Variants in GPC5 observed in about 807,000 individuals in gnomAD.
GPC5 encodes glypican-5.
In GPC5, 47 loss-of-function variants were observed where a neutral mutation model predicts 53.9. The ratio of observed to expected loss-of-function variants is 0.87; its 90% confidence interval spans 0.69 to 1.11. GPC5 has a LOEUF of 1.11. Ranked by LOEUF, GPC5 falls within the 50% of genes most tolerant of loss-of-function variation. The pLI, the probability that GPC5 is intolerant of heterozygous loss-of-function variation, is 0.00. For synonymous variants in GPC5, 286 were observed against 263.3 expected (o/e 1.09, Z -0.84); for missense variants, 748 against 713.1 (o/e 1.05, Z -0.56).
chr13:92,103,875 T>C (rs1289783022), intron 6 of GPC5, among the ~76,000 whole-genome samples: 1 of 152,266 alleles, frequency 6.6e-6, no homozygotes, highest in East Asian at 1.9e-4. Context: ...TGCTGGTGCA[T>C]GAGTTGCGAT....
chr13:92,206,820 C>A (rs907720768), intron 7 of GPC5, among the ~76,000 whole-genome samples: 6 of 152,040 alleles, frequency 3.9e-5, no homozygotes, highest in Non-Finnish European at 7.4e-5. Flanking sequence ...TAGTTCAATC[C>A]ATCATCACAT....
At chr13:92,846,809 GA>G (rs951787507) in intron 7 of GPC5, among the ~76,000 whole-genome samples, 6 of 152,080 alleles carry the variant, frequency 3.9e-5, no homozygotes, top group Admixed American at 3.9e-4. Context: ...GGAGATTTTT[GA>G]AAAACAGAAC....
intron 7 of GPC5, among the ~76,000 whole-genome samples, chr13:92,201,190 C>G (rs749277647): frequency 2.0e-5 from 3 of 152,086 alleles, no homozygotes; most frequent in African/African-American, 7.2e-5. Flanking sequence ...ATTATTTATG[C>G]CTTTCACTCT....
intron 2 of GPC5, among the ~76,000 whole-genome samples, chr13:91,500,443 G>A (rs1884558699): frequency 6.6e-6 from 1 of 152,144 alleles, no homozygotes; most frequent in African/African-American, 2.4e-5. Context: ...CAGAAGATGG[G>A]TATTAGGGAG....
chr13:92,371,602 G>C (rs1441996899), intron 7 of GPC5, among the ~76,000 whole-genome samples: 1 of 152,120 alleles, frequency 6.6e-6, no homozygotes, highest in Admixed American at 6.6e-5. Flanking sequence ...TTATGATCAT[G>C]GTGGAAGGTG....
intron 7 of GPC5, among the ~76,000 whole-genome samples, chr13:92,710,899 G>C (rs1257537317): frequency 6.6e-6 from 1 of 152,102 alleles, no homozygotes; most frequent in East Asian, 1.9e-4. Context: ...GAAAATATAA[G>C]ACTGAATAAT....
At chr13:92,606,446 C>A (rs1884264014) in intron 7 of GPC5, among the ~76,000 whole-genome samples, 1 of 152,166 alleles carries the variant, frequency 6.6e-6, no homozygotes, top group South Asian at 2.1e-4. Context: ...CATAGTGTTC[C>A]ATGGTGTATA....
At chr13:92,214,038 C>T (rs1427930700) in intron 7 of GPC5, among the ~76,000 whole-genome samples, 1 of 151,970 alleles carries the variant, frequency 6.6e-6, no homozygotes, top group African/African-American at 2.4e-5. Context: ...TCTGTGTGGC[C>T]AGGATCAAGG....
intron 2 of GPC5, among the ~76,000 whole-genome samples, chr13:91,457,715 T>TA (rs1331944593): frequency 4.6e-5 from 7 of 152,116 alleles, no homozygotes; most frequent in Admixed American, 2.0e-4. Flanking sequence ...TAGTAAAACT[T>TA]GTATCTATGA....
At chr13:91,986,433 AT>A (rs2040409257) in intron 6 of GPC5, among the ~76,000 whole-genome samples, 2 of 152,226 alleles carry the variant, frequency 1.3e-5, no homozygotes, top group Admixed American at 1.3e-4. Flanking sequence ...TACGATTTAG[AT>A]GAATCTTTCA....
chr13:91,637,400 A>T (rs1566571718), intron 2 of GPC5, among the ~76,000 whole-genome samples: 1 of 152,210 alleles, frequency 6.6e-6, no homozygotes, highest in Admixed American at 6.5e-5. Flanking sequence ...GGGTGACCTT[A>T]AAAATGTTAA....
At chr13:92,003,639 A>G (rs1315881740) in intron 6 of GPC5, among the ~76,000 whole-genome samples, 1 of 152,224 alleles carries the variant, frequency 6.6e-6, no homozygotes, top group Non-Finnish European at 1.5e-5. Context: ...CGGTTCAACT[A>G]GTTAATTCTT....
At chr13:91,482,044 G>T (rs1883329976) in intron 2 of GPC5, among the ~76,000 whole-genome samples, 1 of 152,162 alleles carries the variant, frequency 6.6e-6, no homozygotes, top group Non-Finnish European at 1.5e-5. Flanking sequence ...TATCTGTCAT[G>T]GTGCCTCCTT....
intron 6 of GPC5, among the ~76,000 whole-genome samples, chr13:92,060,863 T>G (rs905440767): frequency 2.0e-5 from 3 of 152,056 alleles, no homozygotes; most frequent in Non-Finnish European, 4.4e-5. Flanking sequence ...TCACCAACCC[T>G]ACTTAATTAT....
intron 2 of GPC5, among the ~76,000 whole-genome samples, chr13:91,514,528 G>A (rs1885394228): frequency 1.3e-5 from 2 of 151,826 alleles, no homozygotes; most frequent in African/African-American, 4.8e-5. Context: ...TTTATGCATT[G>A]GAGATACTAG....
At chr13:92,352,872 A>G (rs1205773281) in intron 7 of GPC5, among the ~76,000 whole-genome samples, 1 of 152,224 alleles carries the variant, frequency 6.6e-6, no homozygotes, top group African/African-American at 2.4e-5. Flanking sequence ...ACACCTGCCC[A>G]TGTACACCTG....
intron 7 of GPC5, among the ~76,000 whole-genome samples, chr13:92,557,100 A>T (rs538407396): frequency 4.7e-4 from 66 of 141,814 alleles, no homozygotes; most frequent in African/African-American, 1.9e-3. Context: ...TCTCTGAGAG[A>T]AAAAAAAAAG....
chr13:91,928,108 A>G (rs1241502948), intron 6 of GPC5, among the ~76,000 whole-genome samples: 1 of 152,210 alleles, frequency 6.6e-6, no homozygotes, highest in Non-Finnish European at 1.5e-5. Context: ...TATTAGACTC[A>G]ACTGAATGAT....
chr13:92,214,162 T>C (rs1234335730), intron 7 of GPC5, among the ~76,000 whole-genome samples: 1 of 152,184 alleles, frequency 6.6e-6, no homozygotes, highest in East Asian at 1.9e-4. Context: ...CCCTCTGTCC[T>C]TCACGTGAAA....
Sources: gnomAD v4.1 joint callset for allele counts (sites outside exome capture counted in the v4.1 genomes callset) on GRCh38, gnomAD v4.1.1 for gene constraint, MANE v1.5 for transcripts, NCBI Gene and HGNC (gene_info 2026-07-23, HGNC 2026-07-21) for gene names.